The following ANK2 variants were observed in gnomAD, a reference collection of about 807,000 sequenced individuals.
ANK2 encodes ankyrin 2.
ANK2 carries 83 observed loss-of-function variants against 360.5 expected under a neutral mutation model. The ratio of observed to expected loss-of-function variants is 0.23; its 90% CI spans 0.19 to 0.28. The LOEUF is 0.28. Among genes scored for constraint, ANK2 ranks in the 10% least tolerant of loss-of-function variants. ANK2 has a pLI of 1.00. For missense variants in ANK2, 4,201 were observed against 4,795.7 expected, an observed-to-expected ratio of 0.88 and a Z score of 3.66; for synonymous variants, 1,740 against 1,759.5, an observed-to-expected ratio of 0.99 and a Z score of 0.28.
rs777422852 is a variant in ANK2 at position 113,293,390 on chromosome 4, C to G, written c.2377-50C>G. 9 of 1,519,906 alleles carry G rather than the reference C, an allele frequency of 5.9e-6. No individual in the cohort carries two copies. The South Asian group carries it at 9.2e-5, about 16-fold the overall frequency. The allele number at this position is 1,519,906 out of a possible 1,614,324, so 94.2% of individuals were successfully genotyped here. ...AGCGGGTGAGCTCATTGGCTCACAT[C>G]GCAGTCCTCTCTCTTATTTCTCACT... On this transcript the variant is annotated intron_variant, in intron 21 of 45. Coordinates refer to ENST00000357077, the MANE Select transcript of ANK2 (RefSeq NM_001148.6).
intron 2 of ANK2, among the ~76,000 whole-genome samples, chr4:112,938,052 A>T (rs529325516): frequency 1.3e-5 from 2 of 152,366 alleles, no homozygotes; most frequent in South Asian, 4.1e-4. Context: ...GTTGAAAAAT[A>T]CTATTTACTA....
rs766993882 is a variant in ANK2 at position 113,354,061 on chromosome 4, T to C, written c.5443T>C (p.Ser1815Pro). The C allele has an allele frequency of 6.2e-7, 1 of 1,613,988 alleles. No homozygotes were observed. Among genetic ancestry groups the C allele is most frequent in the South Asian group, 1.1e-5 (1 of 91,064 alleles). Reference sequence around the variant, plus strand: ...TCCAGCTGCGTCACCCTCTCTGAAGTCAGAGAGACATGCGCCAGGGTCTCC... The same window carrying C: ...TCCAGCTGCGTCACCCTCTCTGAAGCCAGAGAGACATGCGCCAGGGTCTCC... ...PHPAASPSLK[S>P]ERHAPGSPSP... Residue 1815 changes from serine (S) to proline (P), a missense_variant, in exon 38 of 46, where the codon TCA (serine) becomes CCA (proline). Ser to Pro is a moderately conservative substitution (Grantham distance 74, BLOSUM62 -1). Around this residue, in one of 4 missense-constraint regions of ANK2, gnomAD observed 2,642 missense variants for 2,714.5 expected, o/e 0.97. Coordinates refer to ENST00000357077, the MANE Select transcript of ANK2 (RefSeq NM_001148.6).
At position 113,165,652 on chromosome 4, in the gene ANK2, A is replaced by G. The variant is rs561090133; in HGVS notation, c.85-8764A>G. On this transcript the variant is annotated intron_variant, in intron 1 of 45. Coordinates refer to ENST00000357077, the MANE Select transcript of ANK2 (RefSeq NM_001148.6). ...AAAAATGAGGGAATCATATTCTTCT[A>G]GTTCTTATGTTATTCTCTAGAAGTA... is the stretch of plus-strand genomic sequence containing the variant. Among the ~76,000 whole-genome samples the G allele has an allele frequency of 5.2e-4, 79 of 152,238 alleles. 1 individual carries two copies. The highest frequency in any genetic ancestry group is 3.4e-3 in the Middle Eastern group (1 of 294).
intron 2 of ANK2, among the ~76,000 whole-genome samples, chr4:112,999,142 A>G (rs2049689454): frequency 6.6e-6 from 1 of 152,150 alleles, no homozygotes; most frequent in South Asian, 2.1e-4. Context: ...TCTTGTCATT[A>G]TTTCTCTCCA....
chr4:113,347,294 TA>T (rs2094967846), intron 35 of ANK2, among the ~76,000 whole-genome samples: 1 of 152,192 alleles, frequency 6.6e-6, no homozygotes, highest in African/African-American at 2.4e-5. Flanking sequence ...TTCCAAGAAT[TA>T]AAATATAGAA....
intron 1 of ANK2, among the ~76,000 whole-genome samples, chr4:112,882,939 C>G (rs2077125436): frequency 1.3e-5 from 2 of 150,958 alleles, no homozygotes; most frequent in Non-Finnish European, 1.5e-5. Context: ...CCTATACCTC[C>G]TATCCCCTGG....
At chr4:112,841,341 C>T (rs529223717) in intron 1 of ANK2, among the ~76,000 whole-genome samples, 14 of 152,080 alleles carry the variant, frequency 9.2e-5, no homozygotes, top group Middle Eastern at 3.4e-3. Flanking sequence ...TCATGTTATA[C>T]GTTCAGTAAA....
intron 2 of ANK2, among the ~76,000 whole-genome samples, chr4:113,021,255 T>G (rs533302053): frequency 1.3e-5 from 2 of 152,212 alleles, no homozygotes; most frequent in African/African-American, 4.8e-5. Context: ...CCTGTACTCT[T>G]GGAACATAAC....
intron 1 of ANK2, among the ~76,000 whole-genome samples, chr4:113,082,464 A>G (rs964472597): frequency 2.6e-5 from 4 of 152,156 alleles, no homozygotes; most frequent in Admixed American, 2.0e-4. Context: ...TTTGTATAGA[A>G]TCATATTTTC....
the ANK2 span, among the ~76,000 whole-genome samples, chr4:112,772,145 G>A: frequency 2.6e-5 from 4 of 152,094 alleles, no homozygotes; most frequent in African/African-American, 9.7e-5. Context: ...CCCGAGACTG[G>A]GTAATTTATA....
At position 113,357,319 on chromosome 4, in the gene ANK2, A is replaced by G. The variant is rs2154027535; in HGVS notation, c.8701A>G (p.Thr2901Ala). 6.2e-7 allele frequency: 1 copy of G among 1,614,056 alleles called. No homozygotes were observed. The change falls in exon 38 of 46, where the codon ACA becomes GCA. Residue 2901 changes from threonine (T) to alanine (A), a missense_variant. Thr to Ala is a moderately conservative substitution (Grantham distance 58). Around this residue, in one of 4 missense-constraint regions of ANK2, gnomAD observed 2,642 missense variants for 2,714.5 expected, o/e 0.97. Transcript: ENST00000357077. ...TCAAGACTCATCCATTACTACTCAA[A>G]CAGATAGATTTTCCATGGATGTTCC... ...PSQDSSITTQ[T>A]DRFSMDVPVS...
chr4:113,345,967 G>T lies in ANK2; in HGVS notation c.4316G>T (p.Gly1439Val), dbSNP rs758274171. Residue 1439 changes from glycine (G) to valine (V), a missense_variant, in exon 35 of 46, where the codon GGC becomes GTC. Around this residue, in one of 4 missense-constraint regions of ANK2, gnomAD observed 1,268 missense variants for 1,650.8 expected, o/e 0.77. Transcript: ENST00000357077. ...ATGAAGGAGCCAAAATCCACGAGAG[G>T]CCTGGTGCATCAAGCTATTTGCAAC... ...SFMKEPKSTR[G>V]LVHQAICNLN... 1.3e-5 allele frequency: 21 copies of T among 1,613,716 alleles called. No homozygotes were observed. Among genetic ancestry groups the T allele is most frequent in the Non-Finnish European group, 1.6e-5 (19 of 1,179,680 alleles).
intron 8 of ANK2, 35 bp from the exon 9 acceptor site, chr4:113,242,076 C>A (rs768751569): frequency 6.4e-7 from 1 of 1,564,150 alleles, no homozygotes; most frequent in South Asian, 1.1e-5. Flanking sequence ...CCCTGTCATA[C>A]CCAACAGCTC....
At chr4:112,906,572 A>T (rs1236025847) in intron 2 of ANK2, among the ~76,000 whole-genome samples, 1 of 152,132 alleles carries the variant, frequency 6.6e-6, no homozygotes, top group Non-Finnish European at 1.5e-5. Context: ...AGGAAGAGGG[A>T]TTACCTATAG....
In ANK2 at chr4:113,149,874, CAAAA is replaced by C. The variant is rs34667216; in HGVS notation, c.85-24519_85-24516del. Among the ~76,000 whole-genome samples, 49 of 31,402 alleles carry C rather than the reference CAAAA, an allele frequency of 1.6e-3. No homozygotes were observed. In the South Asian group the frequency reaches 0.046, roughly 29 times the overall value. The allele number at this position is 31,402 out of a possible 152,430, so 20.6% of individuals were successfully genotyped here. A position where few individuals can be genotyped will look rare whatever the true frequency, so the allele number is the denominator to read the frequency against. On this transcript the variant is annotated intron_variant, in intron 1 of 45. Coordinates refer to ENST00000357077, the MANE Select transcript of ANK2 (RefSeq NM_001148.6). ...CTTGCGTGAGAGTGAGACCCTGCCT[CAAAA>C]AAAAAAAAAAAAAAAAAAAAAAGAA...
At chr4:113,089,391 G>A (rs1272164964) in intron 1 of ANK2, among the ~76,000 whole-genome samples, 1 of 152,164 alleles carries the variant, frequency 6.6e-6, no homozygotes. Flanking sequence ...CTTTACCATT[G>A]TGAAGAAGAT....
intron 2 of ANK2, among the ~76,000 whole-genome samples, chr4:112,955,910 C>T (rs2095308760): frequency 6.6e-6 from 1 of 152,172 alleles, no homozygotes; most frequent in South Asian, 2.1e-4. Context: ...GCTTATCAAT[C>T]ACCTACTATG....
At chr4:113,181,715 T>G (rs186778578) in intron 2 of ANK2, among the ~76,000 whole-genome samples, 195 of 152,126 alleles carry the variant, frequency 1.3e-3, no homozygotes, top group African/African-American at 4.5e-3. Context: ...GGGAGCACAC[T>G]TTAGAAGAAG....
intron 31 of ANK2, 69 bp downstream of exon 31, chr4:113,336,850 A>G (rs1261427651): frequency 6.9e-7 from 1 of 1,457,536 alleles, no homozygotes; most frequent in Non-Finnish European, 9.6e-7. Flanking sequence ...TAAATATTAA[A>G]TTACCTTTGT....
Sources: gnomAD v4.1 joint callset for allele counts (sites outside exome capture counted in the v4.1 genomes callset) on GRCh38, gnomAD v4.1.1 for gene constraint, gnomAD v4.1.1 regional missense constraint, MANE v1.5 for transcripts, NCBI Gene and HGNC (gene_info 2026-07-23, HGNC 2026-07-21) for gene names.